CDC14B: variants seen among roughly 807,000 people sequenced by gnomAD.
The protein encoded by CDC14B is dual specificity protein phosphatase CDC14B.
In CDC14B, 22 loss-of-function variants were observed where a neutral mutation model predicts 64.2. The ratio of observed to expected loss-of-function variants is 0.34; its 90% CI spans 0.24 to 0.49. CDC14B has a LOEUF of 0.49. CDC14B is among the 20% of genes least tolerant of loss of function. CDC14B has a pLI of 0.99. For missense variants in CDC14B, 498 were observed against 629.9 expected (o/e 0.79, Z 2.24); for synonymous variants, 191 against 215.8 (o/e 0.89, Z 1.01).
At chr9:96,569,796 T>C (rs111387981) in intron 1 of CDC14B, among the ~76,000 whole-genome samples, 14 of 152,248 alleles carry the variant, frequency 9.2e-5, no homozygotes, top group Admixed American at 3.3e-4. Flanking sequence ...AGCTAATTTT[T>C]AGTAAAGATG....
chr9:96,554,581 G>A (rs1356389196), intron 4 of CDC14B, among the ~76,000 whole-genome samples: 4 of 151,998 alleles, frequency 2.6e-5, no homozygotes, highest in African/African-American at 4.8e-5. Flanking sequence ...AATTCCTGAC[G>A]ATGAACTTTA....
intron 1 of CDC14B, among the ~76,000 whole-genome samples, chr9:96,613,009 G>T (rs1445162769): frequency 6.6e-6 from 1 of 152,216 alleles, no homozygotes; most frequent in Non-Finnish European, 1.5e-5. Context: ...AAGTAGCACA[G>T]GACTAACTAG....
chr9:96,586,835 T>G (rs1357135727), intron 1 of CDC14B, among the ~76,000 whole-genome samples: 1 of 151,702 alleles, frequency 6.6e-6, no homozygotes, highest in South Asian at 2.1e-4. Flanking sequence ...ATTCCCTATA[T>G]TCTATCAACC....
At chr9:96,509,544 T>C (rs1834620545) in intron 13 of CDC14B, 129 bp downstream of exon 13, 2 of 723,776 alleles carry the variant, frequency 2.8e-6, no homozygotes, top group Non-Finnish European at 5.0e-6. Flanking sequence ...AATACACATT[T>C]GATGAATTTC....
chr9:96,523,318 G>T lies in CDC14B; in HGVS notation c.1188C>A (p.Gly396=). 1 of 1,614,054 alleles carries T rather than the reference G, an allele frequency of 6.2e-7. No homozygotes were observed. Among genetic ancestry groups the T allele is most frequent in the Non-Finnish European group, 8.5e-7 (1 of 1,180,000 alleles). Residue 396 remains glycine (G), a synonymous_variant, in exon 11 of 14, where the codon GGC becomes GGA. Coordinates refer to ENST00000375241, the MANE Select transcript of CDC14B (RefSeq NM_033331.4). The part of the protein sequence containing the change: ...HRAAFSKLLS[G]VDDISINGVE... ...CCCCATTTATGGAAATGTCATCAAC[G>T]CCAGAGAGAAGTTTGGAGAAGGCTG...
chr9:96,523,143 A>C, intron 11 of CDC14B, 118 bp downstream of exon 11: 1 of 1,112,074 alleles, frequency 9.0e-7, no homozygotes, highest in Non-Finnish European at 1.3e-6. Flanking sequence ...AAATATAAAA[A>C]ACTGACAATC....
intron 1 of CDC14B, among the ~76,000 whole-genome samples, chr9:96,599,203 A>T (rs528738262): frequency 7.2e-5 from 11 of 152,222 alleles, no homozygotes; most frequent in African/African-American, 2.6e-4. Context: ...AACATGGCAA[A>T]ACCCCATCTC....
At chr9:96,560,813 G>A (rs2132234502) in intron 4 of CDC14B, among the ~76,000 whole-genome samples, 1 of 150,984 alleles carries the variant, frequency 6.6e-6, no homozygotes, top group Non-Finnish European at 1.5e-5. Flanking sequence ...ACCAAGAGAG[G>A]CTGGGAGAAA....
At chr9:96,575,919 AG>A (rs1844774088) in intron 1 of CDC14B, among the ~76,000 whole-genome samples, 2 of 152,250 alleles carry the variant, frequency 1.3e-5, no homozygotes, top group African/African-American at 4.8e-5. Context: ...ATGAAAGGAT[AG>A]ACAAAGGTAT....
intron 9 of CDC14B, among the ~76,000 whole-genome samples, chr9:96,524,635 C>G (rs79281399): frequency 6.6e-6 from 1 of 152,150 alleles, no homozygotes; most frequent in Non-Finnish European, 1.5e-5. Context: ...TTTCAGTAAG[C>G]ACAGTTCCCT....
chr9:96,586,315 T>C (rs537632104), intron 1 of CDC14B, among the ~76,000 whole-genome samples: 1 of 152,342 alleles, frequency 6.6e-6, no homozygotes, highest in South Asian at 2.1e-4. Flanking sequence ...CTGTTGACAG[T>C]AAATGACATT....
At chr9:96,494,376 TGC>T (rs2131177002) in intron 13 of CDC14B, among the ~76,000 whole-genome samples, 1 of 152,356 alleles carries the variant, frequency 6.6e-6, no homozygotes, top group East Asian at 1.9e-4. Context: ...ATGGCCATGG[TGC>T]CTAGCAGGGT....
In CDC14B at chr9:96,523,224, A is replaced by G. The variant is rs781560327; in HGVS notation, c.1245+37T>C. On this transcript the variant is annotated intron_variant, in intron 11 of 13. Coordinates refer to ENST00000375241, the MANE Select transcript of CDC14B (RefSeq NM_033331.4). ...CTGACAGGTTCTCAATAGCAGTTAA[A>G]GCAGTAACAACATCGCAACAGAAAC... The G allele has an allele frequency of 3.7e-6, 6 of 1,609,052 alleles. 1 individual carries two copies. In the South Asian group the frequency reaches 6.6e-5, roughly 18 times the overall value.
chr9:96,578,856 T>C (rs1329813885), intron 1 of CDC14B, among the ~76,000 whole-genome samples: 1 of 152,242 alleles, frequency 6.6e-6, no homozygotes, highest in African/African-American at 2.4e-5. Context: ...TCTCACTCTG[T>C]TGCCCAGGCT....
chr9:96,564,584 A>G (rs1393412189), intron 3 of CDC14B, among the ~76,000 whole-genome samples, 193 bp downstream of exon 3: 1 of 152,232 alleles, frequency 6.6e-6, no homozygotes, highest in Admixed American at 6.5e-5. Flanking sequence ...CCAAACTTAA[A>G]CTGTTCATTC....
intron 1 of CDC14B, chr9:96,566,688 A>C (rs1006893641): frequency 3.6e-6 from 5 of 1,380,368 alleles, no homozygotes; most frequent in Non-Finnish European, 5.0e-6. Context: ...GACTAGGGGC[A>C]CCTCCAAGCC....
chr9:96,508,146 G>C (rs939433888), intron 13 of CDC14B, among the ~76,000 whole-genome samples: 2 of 151,936 alleles, frequency 1.3e-5, no homozygotes, highest in African/African-American at 2.4e-5. Context: ...CTCCCGAGTA[G>C]CTGGGACCAC....
intron 1 of CDC14B, among the ~76,000 whole-genome samples, chr9:96,602,444 C>T (rs193253338): frequency 1.3e-4 from 20 of 152,258 alleles, no homozygotes; most frequent in Admixed American, 9.2e-4. Flanking sequence ...AGGACATCCC[C>T]GAAACTGGGC....
intron 4 of CDC14B, 81 bp downstream of exon 4, chr9:96,562,612 G>C (rs1019437599): frequency 3.3e-6 from 3 of 921,786 alleles, no homozygotes; most frequent in Non-Finnish European, 3.5e-6. Context: ...ACATTATCTT[G>C]ATTTCAAAAT....
Sources: gnomAD v4.1 joint callset for allele counts (sites outside exome capture counted in the v4.1 genomes callset) on GRCh38, gnomAD v4.1.1 for gene constraint, MANE v1.5 for transcripts, NCBI Gene and HGNC (gene_info 2026-07-23, HGNC 2026-07-21) for gene names.